The following FAM149A variants were observed in gnomAD, a reference collection of about 807,000 sequenced individuals.
FAM149A encodes the protein family with sequence similarity 149 member A, also known as protein FAM149A.
Under a neutral mutation model 78.2 loss-of-function variants are expected in FAM149A, and 71 were observed. The ratio of observed to expected loss-of-function variants is 0.91; its 90% CI spans 0.75 to 1.11. The LOEUF is 1.11. Ranked by LOEUF, FAM149A falls within the 50% of genes least tolerant of loss-of-function variation. The pLI, the probability that FAM149A is intolerant of heterozygous loss-of-function variation, is 0.00. For missense variants in FAM149A, 1,036 were observed against 971.0 expected, an observed-to-expected ratio of 1.07 and a Z score of -0.89; for synonymous variants, 446 against 410.5, an observed-to-expected ratio of 1.09 and a Z score of -1.04.
chr4:186,129,866 A>G (rs1336869810), intron 1 of FAM149A, among the ~76,000 whole-genome samples: 2 of 152,242 alleles, frequency 1.3e-5, no homozygotes, highest in Admixed American at 1.3e-4. Flanking sequence ...AAGCTGATGT[A>G]TCTTGTATTA....
At chr4:186,119,408 G>A (rs372705169) in intron 1 of FAM149A, among the ~76,000 whole-genome samples, 4 of 152,180 alleles carry the variant, frequency 2.6e-5, no homozygotes, top group African/African-American at 9.6e-5. Context: ...CATGATTAAT[G>A]ATTATGGAAC....
At chr4:186,143,668 T>TA (rs1385595529) in intron 1 of FAM149A, among the ~76,000 whole-genome samples, 2 of 152,082 alleles carry the variant, frequency 1.3e-5, no homozygotes, top group Non-Finnish European at 2.9e-5. Context: ...TAGCTGGAAT[T>TA]ACAGGCACGC....
chr4:186,105,166 C>T lies in FAM149A; in HGVS notation c.90C>T (p.Pro30=). 1 of 1,278,108 alleles carries T rather than the reference C, an allele frequency of 7.8e-7. No individual in the cohort carries two copies. Among genetic ancestry groups the T allele is most frequent in the Non-Finnish European group, 1.0e-6 (1 of 984,052 alleles). 79.2% of individuals were successfully genotyped at this position (1,278,108 alleles called of 1,614,324 possible). A position where few individuals can be genotyped will look rare whatever the true frequency, so the allele number is the denominator to read the frequency against. Residue 30 remains proline (P), a synonymous_variant, in exon 1 of 14, where the codon CCC becomes CCT. Transcript: ENST00000389354. The stretch of plus-strand genomic sequence containing the variant: ...CCCCCGCAGGCCCCTCCTCCAGACC[C>T]TCGGGAGGTGCTGCCGCTGCAGGGT...
At chr4:186,171,864 G>T (rs4241814) in intron 13 of FAM149A, 50 bp from the exon 14 acceptor site, 804,739 of 1,505,762 alleles carry the variant, frequency 0.53, 220,544 homozygotes, top group Non-Finnish European at 0.57. Flanking sequence ...TTCTGAGTGG[G>T]TGCCTTTGTA....
intron 1 of FAM149A, among the ~76,000 whole-genome samples, chr4:186,121,177 G>A (rs963611722): frequency 6.6e-6 from 1 of 151,860 alleles, no homozygotes; most frequent in Non-Finnish European, 1.5e-5. Context: ...ATACTAGAAC[G>A]GCAGTAATGA....
At chr4:186,169,893 A>C (rs1735386758) in intron 13 of FAM149A, 1 of 985,374 alleles carries the variant, frequency 1.0e-6, no homozygotes, top group African/African-American at 1.7e-5. Flanking sequence ...GAGAGAATGC[A>C]GCCAACCAAA....
intron 13 of FAM149A, chr4:186,169,340 A>C (rs1013736223): frequency 1.2e-5 from 12 of 985,320 alleles, no homozygotes; most frequent in Non-Finnish European, 1.3e-5. Flanking sequence ...CGTAGAGAGA[A>C]CGCGGCTCAA....
chr4:186,158,580 GTGCCTGC>G, intron 8 of FAM149A: 2 of 365,600 alleles, frequency 5.5e-6, no homozygotes, highest in South Asian at 1.9e-4. Context: ...GATTGCTCCA[GTGCCTGC>G]TGAGCATTGC....
At chr4:186,133,269 C>T in intron 1 of FAM149A, 1 of 851,010 alleles carries the variant, frequency 1.2e-6, no homozygotes. Context: ...ACCACATTCA[C>T]AGTGTTGTGC....
rs538545286 is a variant in FAM149A, at chr4:186,167,178, C to T, written c.2140-6C>T. The T allele has an allele frequency of 1.9e-6, 3 of 1,607,714 alleles. No individual in the cohort carries two copies. Among genetic ancestry groups the T allele is most frequent in the African/African-American group, 2.7e-5 (2 of 74,858 alleles). ...CTTGTCCCTGATTTTATTTTTCTTC[C>T]AGCAGTCGGATACGCCTCGAAAAAG... On this transcript the variant is annotated splice_region_variant and splice_polypyrimidine_tract_variant and intron_variant, in intron 12 of 13. Transcript: ENST00000389354.
intron 1 of FAM149A, among the ~76,000 whole-genome samples, chr4:186,142,554 G>A (rs1391492368): frequency 6.6e-6 from 1 of 152,144 alleles, no homozygotes; most frequent in African/African-American, 2.4e-5. Context: ...GTACAGTGGA[G>A]GTGACACTGC....
chr4:186,113,373 T>A (rs1461165846), intron 1 of FAM149A, among the ~76,000 whole-genome samples: 1 of 92,724 alleles, frequency 1.1e-5, no homozygotes, highest in Admixed American at 1.3e-4. Flanking sequence ...TTTTGAAGGG[T>A]TTTTTGTGTC....
rs534597474 is a variant in FAM149A, at chr4:186,172,097, T to A, written c.*110T>A. On this transcript the variant is annotated 3_prime_UTR_variant, in exon 14 of 14. Transcript: ENST00000389354. ...TATCTGTGTGTCTGACAGTGTGAGA[T>A]GTTAGACCGAGAGAAAAGCAAACAA... 163 of 1,456,096 alleles carry A rather than the reference T, an allele frequency of 1.1e-4. 2 individuals are homozygous for A. The South Asian group carries it at 2.1e-3, about 19-fold the overall frequency. 90.2% of individuals were successfully genotyped at this position (1,456,096 alleles called of 1,614,324 possible).
chr4:186,116,920 T>C (rs965821156), intron 1 of FAM149A: 5 of 199,226 alleles, frequency 2.5e-5, no homozygotes, highest in Non-Finnish European at 4.5e-5. Flanking sequence ...ACAGCTCATG[T>C]AAATTAGTAT....
intron 8 of FAM149A, among the ~76,000 whole-genome samples, chr4:186,159,691 C>A (rs56126431): frequency 5.3e-4 from 81 of 152,054 alleles, no homozygotes; most frequent in Non-Finnish European, 1.0e-3. Flanking sequence ...ACATACTGAG[C>A]GCGTAATAAA....
At chr4:186,157,245 A>G (rs1734106611) in intron 7 of FAM149A, among the ~76,000 whole-genome samples, 1 of 152,260 alleles carries the variant, frequency 6.6e-6, no homozygotes, top group Non-Finnish European at 1.5e-5. Context: ...AGTTTTATTA[A>G]TCAATTTGTA....
intron 1 of FAM149A, chr4:186,131,935 G>A: frequency 1.0e-6 from 1 of 985,440 alleles, no homozygotes; most frequent in Non-Finnish European, 1.2e-6. Context: ...AGGCCAGCTA[G>A]CCCTTTAACT....
Position 186,164,426 on chromosome 4 carries a change from G to A in FAM149A, c.1889+793G>A. 1.0e-6 allele frequency: 1 copy of A among 984,946 alleles called. No individual in the cohort carries two copies. Among genetic ancestry groups the A allele is most frequent in the South Asian group, 4.7e-5 (1 of 21,282 alleles). 61.0% of individuals were successfully genotyped at this position (984,946 alleles called of 1,614,324 possible). A position where few individuals can be genotyped will look rare whatever the true frequency, so the allele number is the denominator to read the frequency against. On this transcript the variant is annotated intron_variant, in intron 10 of 13. Transcript: ENST00000389354. This position sits in a 1 kb window ranked among gnomAD's most constrained non-coding sequence, Gnocchi z 4.0. Reference sequence around the variant, plus strand: ...TGGACCCCCGGCCTGCAGGGGAGCTGTTATCAGGAGCCGAGCTCAGGAGCG... The same window carrying A: ...TGGACCCCCGGCCTGCAGGGGAGCTATTATCAGGAGCCGAGCTCAGGAGCG...
At chr4:186,161,100 AT>A (rs1256729269) in intron 8 of FAM149A, among the ~76,000 whole-genome samples, 1 of 152,070 alleles carries the variant, frequency 6.6e-6, no homozygotes, top group Non-Finnish European at 1.5e-5. Flanking sequence ...TTTTTGTGTA[AT>A]TTTTTAATTA....
Sources: gnomAD v4.1 joint callset for allele counts (sites outside exome capture counted in the v4.1 genomes callset) on GRCh38, gnomAD v4.1.1 for gene constraint, Gnocchi (gnomAD v3.1) non-coding constraint, MANE v1.5 for transcripts, NCBI Gene and HGNC (gene_info 2026-07-23, HGNC 2026-07-21) for gene names.